The following NDRG1 variants were observed in gnomAD, a reference collection of about 807,000 sequenced individuals.
NDRG1 encodes N-myc downstream regulated 1, also known as protein NDRG1.
In NDRG1, 32 loss-of-function variants were observed where a neutral mutation model predicts 56.9. The observed-to-expected ratio is 0.56, with a 90% CI of 0.42 to 0.76. NDRG1 has a LOEUF of 0.76. Among genes scored for constraint, NDRG1 ranks in the 30% least tolerant of loss-of-function variants. The pLI, the probability that NDRG1 is intolerant of heterozygous loss-of-function variation, is 0.00. For synonymous variants in NDRG1, 211 were observed against 204.1 expected, an observed-to-expected ratio of 1.03 and a Z score of -0.29; for missense variants, 507 against 545.7, an observed-to-expected ratio of 0.93 and a Z score of 0.71.
At chr8:133,252,085 A>G (rs1856082426) in intron 9 of NDRG1, among the ~76,000 whole-genome samples, 1 of 151,902 alleles carries the variant, frequency 6.6e-6, no homozygotes, top group African/African-American at 2.4e-5. Flanking sequence ...GAGAGAATAC[A>G]CTTTTGTTTT....
intron 1 of NDRG1, chr8:133,296,400 G>A (rs1382469353): frequency 2.3e-6 from 1 of 441,968 alleles, no homozygotes; most frequent in Non-Finnish European, 4.6e-6. Flanking sequence ...GGGTTCCTCC[G>A]GGGGCGCACC....
chr8:133,266,374 C>T (rs1856920214), intron 3 of NDRG1, among the ~76,000 whole-genome samples: 1 of 152,220 alleles, frequency 6.6e-6, no homozygotes, highest in African/African-American at 2.4e-5. Flanking sequence ...AGAAATGCGA[C>T]CCATACAGAT....
At chr8:133,286,841 AG>A (rs1858143974) in intron 1 of NDRG1, among the ~76,000 whole-genome samples, 1 of 152,170 alleles carries the variant, frequency 6.6e-6, no homozygotes, top group Non-Finnish European at 1.5e-5. Flanking sequence ...GACTGGATAA[AG>A]CTTTGCACTA....
chr8:133,243,912 T>TG (rs1564280237), intron 14 of NDRG1, among the ~76,000 whole-genome samples: 16 of 152,220 alleles, frequency 1.1e-4, no homozygotes, highest in African/African-American at 1.4e-4. Flanking sequence ...GCACACACAT[T>TG]TACACATGCA....
At chr8:133,264,050 T>G (rs72731568) in intron 4 of NDRG1, among the ~76,000 whole-genome samples, 14,094 of 152,114 alleles carry the variant, frequency 0.093, 772 homozygotes, top group East Asian at 0.16. Flanking sequence ...TGGATAAACC[T>G]TGAAAGCACT....
At chr8:133,274,062 C>G (rs1857333767) in intron 3 of NDRG1, among the ~76,000 whole-genome samples, 1 of 152,194 alleles carries the variant, frequency 6.6e-6, no homozygotes. Context: ...TTTCAGGAAC[C>G]AGAGCCAGGT....
intron 1 of NDRG1, among the ~76,000 whole-genome samples, chr8:133,286,259 C>A (rs1158019717): frequency 6.6e-6 from 1 of 152,220 alleles, no homozygotes; most frequent in Non-Finnish European, 1.5e-5. Context: ...ACTTTTAAAT[C>A]ATTGCTAAAC....
chr8:133,284,644 A>G, intron 1 of NDRG1: 1 of 467,742 alleles, frequency 2.1e-6, no homozygotes, highest in Middle Eastern at 5.2e-4. Context: ...CCCACCCACC[A>G]TACCCAGGAT....
intron 3 of NDRG1, among the ~76,000 whole-genome samples, chr8:133,266,476 TG>T (rs1856926078): frequency 6.6e-6 from 1 of 152,174 alleles, no homozygotes; most frequent in Non-Finnish European, 1.5e-5. Context: ...AGGCACCCTG[TG>T]GGGGCAAGTC....
Position 133,253,565 on chromosome 8 carries a change from G to A in NDRG1, c.594+974C>T, listed in dbSNP as rs116718523. ...CAGCCCAGCACACAGCTAACTCCAC[G>A]GACATGTTTGCTACTGACCAGATTT... is the stretch of plus-strand genomic sequence containing the variant. On this transcript the variant is annotated intron_variant, in intron 9 of 15. Transcript: ENST00000323851. 4.9e-3 allele frequency among the ~76,000 whole-genome samples: 749 copies of A among 152,268 alleles called. 1 individual carries two copies. Among genetic ancestry groups the A allele is most frequent in the African/African-American group, 0.017 (708 of 41,542 alleles).
At chr8:133,255,209 G>A in intron 8 of NDRG1, 1 of 447,556 alleles carries the variant, frequency 2.2e-6, no homozygotes, top group Non-Finnish European at 4.5e-6. Flanking sequence ...TAGACCTAAG[G>A]GTCTTTGGCT....
chr8:133,271,238 G>C (rs1001264490), intron 3 of NDRG1, among the ~76,000 whole-genome samples: 1 of 152,158 alleles, frequency 6.6e-6, no homozygotes. Flanking sequence ...CCCTCCCTCA[G>C]TCTAGCAAGT....
rs1855145480 is a variant in NDRG1, at chr8:133,237,885, C to A, written c.*993G>T. 1 of 233,156 alleles carries A rather than the reference C, an allele frequency of 4.3e-6. No individual in the cohort carries two copies. The allele number at this position is 233,156 out of a possible 1,614,324, so 14.4% of individuals were successfully genotyped here. A position where few individuals can be genotyped will look rare whatever the true frequency, so the allele number is the denominator to read the frequency against. On this transcript the variant is annotated 3_prime_UTR_variant, in exon 16 of 16. Coordinates refer to ENST00000323851, the MANE Select transcript of NDRG1 (RefSeq NM_006096.4). ...ACAACTGCACTGGATCTCAACACAA[C>A]AACAAGGAATCCCTTACATCGAGTA...
chr8:133,272,950 C>G (rs904921212), intron 3 of NDRG1, among the ~76,000 whole-genome samples: 4 of 152,112 alleles, frequency 2.6e-5, no homozygotes, highest in Non-Finnish European at 5.9e-5. Context: ...TGAGCTGGTC[C>G]GCTTCCAAGA....
In NDRG1 at chr8:133,261,240, G is replaced by A. The variant is rs536450448; in HGVS notation, c.326+807C>T. Among the ~76,000 whole-genome samples the A allele has an allele frequency of 3.3e-5, 5 of 152,188 alleles. No homozygotes were observed. In the South Asian group the frequency reaches 1.0e-3, roughly 32 times the overall value. On this transcript the variant is annotated intron_variant, in intron 5 of 15. Coordinates refer to ENST00000323851, the MANE Select transcript of NDRG1 (RefSeq NM_006096.4). ...CTGGCCTAAGCCTCCCGAGTAGCAG[G>A]GATTATAGCCACCCGCCACCACGCC...
chr8:133,240,987 C>T (rs1247868605), intron 15 of NDRG1: 3 of 152,184 alleles, frequency 2.0e-5, no homozygotes, highest in Admixed American at 6.5e-5. Flanking sequence ...GGATGTGGAT[C>T]CTGCCTGAGC....
At chr8:133,272,978 C>T (rs910340304) in intron 3 of NDRG1, among the ~76,000 whole-genome samples, 5 of 152,128 alleles carry the variant, frequency 3.3e-5, no homozygotes, top group Non-Finnish European at 5.9e-5. Context: ...GGAAAACAGC[C>T]CCCCCACCGA....
At chr8:133,281,897 C>A (rs1186385094) in intron 2 of NDRG1, among the ~76,000 whole-genome samples, 1 of 152,152 alleles carries the variant, frequency 6.6e-6, no homozygotes, top group Non-Finnish European at 1.5e-5. Context: ...ATGGGGAAAG[C>A]CATTCTGTAC....
At chr8:133,248,655 G>T in intron 11 of NDRG1, 60 bp downstream of exon 11, 1 of 1,595,982 alleles carries the variant, frequency 6.3e-7, no homozygotes. Flanking sequence ...CTGCCAGCAA[G>T]GCCACCTTTA....
Sources: gnomAD v4.1 joint callset for allele counts (sites outside exome capture counted in the v4.1 genomes callset) on GRCh38, gnomAD v4.1.1 for gene constraint, MANE v1.5 for transcripts, NCBI Gene and HGNC (gene_info 2026-07-23, HGNC 2026-07-21) for gene names.